Variants in SPRED1 observed in about 807,000 individuals in gnomAD.
SPRED1 encodes the protein sprouty-related, EVH1 domain-containing protein 1.
A neutral mutation model predicts 52.3 loss-of-function variants in SPRED1; 18 were observed. The ratio of observed to expected loss-of-function variants is 0.34; its 90% CI spans 0.24 to 0.51. The LOEUF is 0.51. SPRED1 is among the 20% of genes least tolerant of loss of function. SPRED1 has a pLI of 0.97. For missense variants in SPRED1, 485 were observed against 551.0 expected (o/e 0.88, Z 1.20); for synonymous variants, 155 against 179.7 (o/e 0.86, Z 1.10).
intron 1 of SPRED1, among the ~76,000 whole-genome samples, chr15:38,286,226 C>CAAA (rs368405955): frequency 0.022 from 1,950 of 86,678 alleles, 44 homozygotes; most frequent in East Asian, 0.028. Flanking sequence ...ACTCCAGCCT[C>CAAA]AAAAAAAAAA....
intron 5 of SPRED1, among the ~76,000 whole-genome samples, chr15:38,346,180 G>GGT (rs1896131419): frequency 6.6e-6 from 1 of 152,048 alleles, no homozygotes; most frequent in African/African-American, 2.4e-5. Flanking sequence ...CATATATCAT[G>GGT]GTGGTACGCG....
intron 2 of SPRED1, among the ~76,000 whole-genome samples, chr15:38,300,086 A>G (rs1247442053): frequency 6.6e-6 from 1 of 152,190 alleles, no homozygotes; most frequent in Non-Finnish European, 1.5e-5. Context: ...TTCTAGTCTC[A>G]TAAGACTATC....
In SPRED1 at chr15:38,281,816, T is replaced by G. The variant is rs75429796; in HGVS notation, c.33-17557T>G. Among the ~76,000 whole-genome samples the G allele has an allele frequency of 3.7e-4, 57 of 152,228 alleles. No individual in the cohort carries two copies. In the East Asian group the frequency reaches 0.01, roughly 27 times the overall value. On this transcript the variant is annotated intron_variant, in intron 1 of 6. Coordinates refer to ENST00000299084, the MANE Select transcript of SPRED1 (RefSeq NM_152594.3). ...AGCTTTAGAGACATGCTGTAAAGTT[T>G]GGGATTTATGGATGAAGAAGAAATT...
intron 2 of SPRED1, among the ~76,000 whole-genome samples, chr15:38,306,239 A>G (rs968687114): frequency 6.6e-6 from 1 of 152,176 alleles, no homozygotes; most frequent in Non-Finnish European, 1.5e-5. Context: ...GTAGTTCATC[A>G]GAAGTACCAT....
intron 1 of SPRED1, among the ~76,000 whole-genome samples, chr15:38,272,592 GTTAT>G (rs1894461056): frequency 6.6e-6 from 1 of 152,090 alleles, no homozygotes; most frequent in South Asian, 2.1e-4. Context: ...TTGGTTTTAA[GTTAT>G]TTGAGAAATC....
At chr15:38,339,631 T>C (rs1362098385) in intron 4 of SPRED1, 106 bp from the exon 5 acceptor site, 6 of 1,162,306 alleles carry the variant, frequency 5.2e-6, no homozygotes, top group African/African-American at 4.5e-5. Context: ...GGTAGCGATA[T>C]ATACTTATTG....
chr15:38,272,238 A>G (rs1894450147), intron 1 of SPRED1, among the ~76,000 whole-genome samples: 1 of 149,942 alleles, frequency 6.7e-6, no homozygotes, highest in South Asian at 2.1e-4. Flanking sequence ...TCTTTAGGAT[A>G]TATACCCAAT....
chr15:38,345,478 C>T (rs1165668498), intron 5 of SPRED1, among the ~76,000 whole-genome samples: 1 of 152,156 alleles, frequency 6.6e-6, no homozygotes, highest in Non-Finnish European at 1.5e-5. Context: ...TAGACAACTG[C>T]CTTGATGAAC....
chr15:38,253,311 C>A, intron 1 of SPRED1, 94 bp downstream of exon 1: 1 of 1,259,430 alleles, frequency 7.9e-7, no homozygotes, highest in Non-Finnish European at 1.1e-6. Flanking sequence ...TGCCGGAAAG[C>A]TTGCGACCCT....
rs554191538 is a variant in SPRED1, at chr15:38,350,648, G to A, written c.685-366G>A. Among the ~76,000 whole-genome samples the A allele has an allele frequency of 2.6e-5, 4 of 152,210 alleles. No individual in the cohort carries two copies. In the South Asian group the frequency reaches 8.3e-4, roughly 32 times the overall value. ...AAATAACGTCTTTCAATCAAGTGTG[G>A]GTAAGTGGCTCATGCAATAGTAGAG... On this transcript the variant is annotated intron_variant, in intron 6 of 6. Coordinates refer to ENST00000299084, the MANE Select transcript of SPRED1 (RefSeq NM_152594.3).
At chr15:38,341,174 G>A (rs1425951738) in intron 5 of SPRED1, among the ~76,000 whole-genome samples, 4 of 151,514 alleles carry the variant, frequency 2.6e-5, no homozygotes, top group African/African-American at 4.8e-5. Context: ...CCCATTTTTC[G>A]TTGCTGATAC....
intron 4 of SPRED1, among the ~76,000 whole-genome samples, chr15:38,326,879 T>C (rs2140998186): frequency 6.6e-6 from 1 of 152,306 alleles, no homozygotes; most frequent in South Asian, 2.1e-4. Context: ...CCACGAGTTA[T>C]GAAAAATTAT....
At chr15:38,298,362 A>G (rs1895079519) in intron 1 of SPRED1, among the ~76,000 whole-genome samples, 3 of 152,184 alleles carry the variant, frequency 2.0e-5, no homozygotes, top group African/African-American at 4.8e-5. Context: ...ATTATTTGAG[A>G]AATGAAAAAA....
intron 3 of SPRED1, among the ~76,000 whole-genome samples, chr15:38,322,618 A>G (rs1288244536): frequency 1.3e-5 from 2 of 152,158 alleles, no homozygotes; most frequent in African/African-American, 4.8e-5. Context: ...GTCTATGTCA[A>G]TTGCATGTAT....
chr15:38,260,744 T>C (rs1894188720), intron 1 of SPRED1, among the ~76,000 whole-genome samples: 1 of 152,196 alleles, frequency 6.6e-6, no homozygotes, highest in Non-Finnish European at 1.5e-5. Flanking sequence ...GCCCCTAATA[T>C]TGTTCTGAGA....
rs115074946 is a variant in SPRED1, at chr15:38,346,516, C to T, written c.583-2906C>T. 1.6e-3 allele frequency among the ~76,000 whole-genome samples: 241 copies of T among 152,198 alleles called. 1 individual carries two copies. The highest frequency in any genetic ancestry group is 5.2e-3 in the African/African-American group (217 of 41,546). ...TATTCACTGAATACTTGAGAAACCA[C>T]GAAACAACTTAAAAAAGGAACACCC... On this transcript the variant is annotated intron_variant, in intron 5 of 6. Coordinates refer to ENST00000299084, the MANE Select transcript of SPRED1 (RefSeq NM_152594.3).
intron 6 of SPRED1, 149 bp from the exon 7 acceptor site, chr15:38,350,864 CA>C: frequency 2.5e-6 from 2 of 815,904 alleles, no homozygotes; most frequent in Non-Finnish European, 4.0e-6. Context: ...CATAGTCCAC[CA>C]ACTGAAATGT....
intron 1 of SPRED1, among the ~76,000 whole-genome samples, chr15:38,292,729 T>A (rs1894949779): frequency 6.6e-6 from 1 of 152,156 alleles, no homozygotes; most frequent in African/African-American, 2.4e-5. Context: ...GGAGATACAA[T>A]TCAAGTTCAG....
intron 2 of SPRED1, among the ~76,000 whole-genome samples, chr15:38,300,162 C>T (rs910127127): frequency 6.6e-6 from 1 of 151,922 alleles, no homozygotes; most frequent in African/African-American, 2.4e-5. Context: ...TACCTGTATA[C>T]ATTTTAAAAT....
Sources: gnomAD v4.1 joint callset for allele counts (sites outside exome capture counted in the v4.1 genomes callset) on GRCh38, gnomAD v4.1.1 for gene constraint, MANE v1.5 for transcripts, NCBI Gene and HGNC (gene_info 2026-07-23, HGNC 2026-07-21) for gene names.